NAA25: variants seen among roughly 807,000 people sequenced by gnomAD.
NAA25 encodes the protein N-alpha-acetyltransferase 25, NatB auxiliary subunit.
NAA25 carries 30 observed loss-of-function variants against 132.5 expected under a neutral mutation model. That is an observed-to-expected ratio of 0.23 (90% CI 0.17 to 0.31). The LOEUF (loss-of-function observed/expected upper bound fraction) is 0.31. NAA25 is among the 10% of genes least tolerant of loss of function. The pLI is 1.00. For missense variants in NAA25, 771 were observed against 1,150.4 expected (o/e 0.67, Z 4.77); for synonymous variants, 359 against 401.9 (o/e 0.89, Z 1.28).
At chr12:112,054,682 T>C (rs969723456) in intron 13 of NAA25, 114 bp from the exon 14 acceptor site, 3 of 1,013,050 alleles carry the variant, frequency 3.0e-6, no homozygotes, top group Non-Finnish European at 4.2e-6. Flanking sequence ...TGAAGTTAAA[T>C]GACAGAGAAC....
At chr12:112,094,331 A>G (rs1357439409) in intron 1 of NAA25, among the ~76,000 whole-genome samples, 4 of 151,902 alleles carry the variant, frequency 2.6e-5, no homozygotes, top group African/African-American at 9.7e-5. Context: ...TGTAGTCCTT[A>G]GTGAAGATTC....
intron 11 of NAA25, among the ~76,000 whole-genome samples, chr12:112,062,640 C>T (rs943280568): frequency 6.6e-6 from 1 of 151,496 alleles, no homozygotes; most frequent in Non-Finnish European, 1.5e-5. Flanking sequence ...GCAGGAGAAT[C>T]GCTTGAACCC....
At chr12:112,056,535 T>C (rs1319122578) in intron 13 of NAA25, among the ~76,000 whole-genome samples, 1 of 152,136 alleles carries the variant, frequency 6.6e-6, no homozygotes, top group African/African-American at 2.4e-5. Flanking sequence ...CTAGCCTGGA[T>C]GACAGTGTCT....
intron 7 of NAA25, among the ~76,000 whole-genome samples, chr12:112,077,670 ACAG>A (rs1593806086): frequency 6.6e-6 from 1 of 152,212 alleles, no homozygotes; most frequent in East Asian, 1.9e-4. Context: ...AAGAGTATGC[ACAG>A]CAGAGGTCAC....
intron 1 of NAA25, among the ~76,000 whole-genome samples, chr12:112,095,477 G>A (rs1356507003): frequency 2.0e-5 from 3 of 151,108 alleles, no homozygotes; most frequent in Admixed American, 2.0e-4. Context: ...GTACGGTGGC[G>A]CATGCCTATA....
intron 15 of NAA25, among the ~76,000 whole-genome samples, chr12:112,051,946 A>G (rs916486844): frequency 1.3e-5 from 2 of 152,200 alleles, no homozygotes; most frequent in Non-Finnish European, 2.9e-5. Flanking sequence ...GTTCTTCTAG[A>G]ATGCTGCATG....
intron 1 of NAA25, among the ~76,000 whole-genome samples, chr12:112,098,312 G>T (rs1593838816): frequency 6.6e-6 from 1 of 152,096 alleles, no homozygotes; most frequent in Middle Eastern, 3.4e-3. Flanking sequence ...GTATCAAAGA[G>T]ATTGTTTCTT....
chr12:112,108,707 G>T lies in NAA25; in HGVS notation c.58+9C>A. 6.6e-7 allele frequency: 1 copy of T among 1,520,478 alleles called. No individual in the cohort carries two copies. The allele number at this position is 1,520,478 out of a possible 1,614,324, so 94.2% of individuals were successfully genotyped here. ...CGGGCTGGCGAGCGGGCTGGTCCAA[G>T]ACACTCACCGTAAATGGGCCGGAGG... On this transcript the variant is annotated intron_variant, in intron 1 of 23. Coordinates refer to ENST00000261745, the MANE Select transcript of NAA25 (RefSeq NM_024953.4).
At chr12:112,080,087 T>C (rs762969864) in intron 5 of NAA25, among the ~76,000 whole-genome samples, 18 of 150,792 alleles carry the variant, frequency 1.2e-4, no homozygotes, top group African/African-American at 2.2e-4. Context: ...GAGACCATCC[T>C]GGCTAACATG....
chr12:112,104,847 CAAAACAAAAACA>C (rs1237727648), intron 1 of NAA25, among the ~76,000 whole-genome samples: 1 of 139,518 alleles, frequency 7.2e-6, no homozygotes, highest in East Asian at 2.0e-4. Flanking sequence ...AAAAAAAAAA[CAAAACAAAAACA>C]AAAACAAAAA....
chr12:112,082,049 G>A (rs572398517), intron 4 of NAA25, among the ~76,000 whole-genome samples: 2 of 152,154 alleles, frequency 1.3e-5, no homozygotes, highest in Admixed American at 6.6e-5. Context: ...TCAGGAGTTC[G>A]AGACTAGCTG....
chr12:112,033,464 G>A, intron 22 of NAA25, 85 bp from the exon 23 acceptor site: 2 of 1,292,106 alleles, frequency 1.5e-6, no homozygotes, highest in East Asian at 2.6e-5. Flanking sequence ...AAGATGTGAG[G>A]GAATTTAAAT....
At chr12:112,098,026 C>T (rs935391035) in intron 1 of NAA25, among the ~76,000 whole-genome samples, 11 of 148,182 alleles carry the variant, frequency 7.4e-5, no homozygotes, top group African/African-American at 2.8e-4. Flanking sequence ...GAGGCTGAGG[C>T]CTAAGAATCA....
chr12:112,080,081 C>T (rs1017604330), intron 5 of NAA25, among the ~76,000 whole-genome samples: 1 of 150,198 alleles, frequency 6.7e-6, no homozygotes, highest in Non-Finnish European at 1.5e-5. Flanking sequence ...GAGATCGAGA[C>T]CATCCTGGCT....
At chr12:112,043,063 C>A in intron 19 of NAA25, 25 bp downstream of exon 19, 1 of 1,569,522 alleles carries the variant, frequency 6.4e-7, no homozygotes. Flanking sequence ...GACAAAGACC[C>A]TATAAACACA....
intron 11 of NAA25, among the ~76,000 whole-genome samples, chr12:112,062,581 C>G (rs988939808): frequency 6.6e-6 from 1 of 151,630 alleles, no homozygotes; most frequent in Non-Finnish European, 1.5e-5. Flanking sequence ...AAAAAATTAG[C>G]TGGGTGTGGT....
intron 17 of NAA25, among the ~76,000 whole-genome samples, chr12:112,045,364 A>C (rs772089744): frequency 3.4e-4 from 51 of 151,916 alleles, no homozygotes; most frequent in Non-Finnish European, 5.7e-4. Context: ...GTGGTGGCAC[A>C]CGCCTGTAGT....
At chr12:112,092,112 G>A (rs1176890061) in intron 2 of NAA25, among the ~76,000 whole-genome samples, 4 of 151,656 alleles carry the variant, frequency 2.6e-5, no homozygotes, top group South Asian at 2.1e-4. Flanking sequence ...GTGGTAGGAC[G>A]CGCCTGTAGT....
At chr12:112,042,923 T>G (rs908478477) in intron 19 of NAA25, among the ~76,000 whole-genome samples, 165 bp downstream of exon 19, 1 of 152,268 alleles carries the variant, frequency 6.6e-6, no homozygotes, top group African/African-American at 2.4e-5. Context: ...AACATTACTT[T>G]GTAACCTACG....
Sources: gnomAD v4.1 joint callset for allele counts (sites outside exome capture counted in the v4.1 genomes callset) on GRCh38, gnomAD v4.1.1 for gene constraint, MANE v1.5 for transcripts, NCBI Gene and HGNC (gene_info 2026-07-23, HGNC 2026-07-21) for gene names.